The following HERPUD2 variants were observed in gnomAD, a reference collection of about 807,000 sequenced individuals.
HERPUD2 encodes the protein homocysteine-responsive endoplasmic reticulum-resident ubiquitin-like domain member 2 protein.
HERPUD2 carries 13 observed loss-of-function variants against 49.9 expected under a neutral mutation model. The ratio of observed to expected loss-of-function variants is 0.26; its 90% CI spans 0.17 to 0.41. The LOEUF (loss-of-function observed/expected upper bound fraction) is 0.41. HERPUD2 is among the 10% of genes least tolerant of loss of function. The probability of loss-of-function intolerance (pLI) is 1.00; values close to 1 mark genes in which losing one functional copy is unlikely to be tolerated. For synonymous variants in HERPUD2, 172 were observed against 171.4 expected, an observed-to-expected ratio of 1.00 and a Z score of -0.03; for missense variants, 449 against 492.2, an observed-to-expected ratio of 0.91 and a Z score of 0.83.
intron 5 of HERPUD2, among the ~76,000 whole-genome samples, chr7:35,658,744 T>TA (rs766269825): frequency 6.6e-6 from 1 of 152,192 alleles, no homozygotes. Context: ...CAGTAATTGT[T>TA]AGAGTAAATA....
intron 5 of HERPUD2, among the ~76,000 whole-genome samples, chr7:35,645,454 T>C (rs913402712): frequency 5.9e-5 from 9 of 152,044 alleles, no homozygotes; most frequent in Non-Finnish European, 1.2e-4. Flanking sequence ...ATATATTATA[T>C]AAACAAAGAA....
chr7:35,664,282 T>C (rs1272229373), intron 5 of HERPUD2, among the ~76,000 whole-genome samples: 2 of 152,216 alleles, frequency 1.3e-5, no homozygotes, highest in Non-Finnish European at 2.9e-5. Flanking sequence ...TGGGTTTCCC[T>C]TTGTGGGTAA....
chr7:35,667,126 C>T (rs1476797957), intron 5 of HERPUD2, among the ~76,000 whole-genome samples: 1 of 152,102 alleles, frequency 6.6e-6, no homozygotes, highest in African/African-American at 2.4e-5. Context: ...CATCTGGGAG[C>T]TTGTCAGAAA....
chr7:35,673,759 T>C (rs1376512059), intron 2 of HERPUD2, among the ~76,000 whole-genome samples: 4 of 152,200 alleles, frequency 2.6e-5, no homozygotes, highest in Non-Finnish European at 5.9e-5. Context: ...TTACTAATAT[T>C]GTGCAGAACA....
chr7:35,686,227 C>T (rs1786039330), intron 2 of HERPUD2, among the ~76,000 whole-genome samples: 3 of 150,348 alleles, frequency 2.0e-5, no homozygotes, highest in South Asian at 4.2e-4. Context: ...CTTACTCTGT[C>T]GCCCAGGCTG....
chr7:35,693,689 G>C (rs1036841982), intron 2 of HERPUD2, among the ~76,000 whole-genome samples: 21 of 152,200 alleles, frequency 1.4e-4, no homozygotes, highest in Middle Eastern at 3.4e-3. Context: ...TCAGGCTGGA[G>C]GGCAGTGGTG....
intron 4 of HERPUD2, among the ~76,000 whole-genome samples, chr7:35,669,530 A>G (rs1785603119): frequency 6.6e-6 from 1 of 152,176 alleles, no homozygotes; most frequent in African/African-American, 2.4e-5. Context: ...GTGTCATAGA[A>G]AGCTTTTATG....
chr7:35,684,157 C>A (rs181834290), intron 2 of HERPUD2, among the ~76,000 whole-genome samples: 2 of 151,374 alleles, frequency 1.3e-5, no homozygotes. Flanking sequence ...GAGGCCGAGG[C>A]GGGTGGATCA....
chr7:35,634,301 C>T lies in HERPUD2; in HGVS notation c.1059+11G>A. The T allele has an allele frequency of 6.5e-7, 1 of 1,543,956 alleles. No individual in the cohort carries two copies. The highest frequency in any genetic ancestry group is 9.0e-7 in the Non-Finnish European group (1 of 1,116,182). ...CAGTATCTTAAGTATACAAAAGCTT[C>T]AATCACATACCATTTCTTCAAGTTC... On this transcript the variant is annotated intron_variant, in intron 8 of 8. Coordinates refer to ENST00000311350, the MANE Select transcript of HERPUD2 (RefSeq NM_022373.5).
chr7:35,638,019 C>A (rs1261234847), intron 6 of HERPUD2, among the ~76,000 whole-genome samples: 1 of 152,226 alleles, frequency 6.6e-6, no homozygotes, highest in Non-Finnish European at 1.5e-5. Flanking sequence ...AAGCTATGGC[C>A]TCCCTGACAT....
intron 5 of HERPUD2, among the ~76,000 whole-genome samples, chr7:35,645,918 C>T (rs1032933701): frequency 2.0e-5 from 3 of 152,074 alleles, no homozygotes; most frequent in African/African-American, 7.2e-5. Flanking sequence ...ACTTTTGTTT[C>T]GTTTTGTTTT....
In HERPUD2 at chr7:35,670,198, C is replaced by A; in HGVS notation, c.339+17G>T. On this transcript the variant is annotated intron_variant, in intron 4 of 8. Transcript: ENST00000311350. ...AAAAAGAAAAGTTCAATGTTTACTC[C>A]TCCCAAAACAACTCACAGAATTGCT... 1 of 1,311,462 alleles carries A rather than the reference C, an allele frequency of 7.6e-7. No individual in the cohort carries two copies. The highest frequency in any genetic ancestry group is 1.1e-6 in the Non-Finnish European group (1 of 946,092). 81.2% of individuals were successfully genotyped at this position (1,311,462 alleles called of 1,614,324 possible). A position where few individuals can be genotyped will look rare whatever the true frequency, so the allele number is the denominator to read the frequency against.
chr7:35,663,186 G>A (rs371541520), intron 5 of HERPUD2, among the ~76,000 whole-genome samples: 1 of 152,322 alleles, frequency 6.6e-6, no homozygotes. Context: ...GGTTTTGACT[G>A]AGTTTCTTAA....
Position 35,694,241 on chromosome 7 carries a change from C to T in HERPUD2, c.90G>A (p.Leu30=). ...KYSDQTISCF[L]NWTVGKLKTH... ...TTTTTAGTTTCCCCACGGTCCAGTT[C>T]AAGAAGCAGCTAATAGTCTGGTCAC... Residue 30 remains leucine, a synonymous_variant, in exon 2 of 9, where the codon TTG becomes TTA. Coordinates refer to ENST00000311350, the MANE Select transcript of HERPUD2 (RefSeq NM_022373.5). 1.2e-6 allele frequency: 2 copies of T among 1,614,074 alleles called. No homozygotes were observed. Among genetic ancestry groups the T allele is most frequent in the Non-Finnish European group, 1.7e-6 (2 of 1,180,018 alleles).
At chr7:35,654,236 A>C (rs1157026468) in intron 5 of HERPUD2, among the ~76,000 whole-genome samples, 1 of 152,082 alleles carries the variant, frequency 6.6e-6, no homozygotes, top group Non-Finnish European at 1.5e-5. Context: ...AGACTGAAAA[A>C]ACACAATACA....
At chr7:35,654,407 A>G (rs1312258783) in intron 5 of HERPUD2, among the ~76,000 whole-genome samples, 1 of 151,906 alleles carries the variant, frequency 6.6e-6, no homozygotes, top group Admixed American at 6.5e-5. Flanking sequence ...AATCATCAAG[A>G]TATTATGAAC....
At chr7:35,644,851 C>T (rs1785026468) in intron 5 of HERPUD2, among the ~76,000 whole-genome samples, 1 of 152,082 alleles carries the variant, frequency 6.6e-6, no homozygotes, top group African/African-American at 2.4e-5. Context: ...TATAAAAAGA[C>T]ATCTGAGACA....
chr7:35,640,003 C>A lies in HERPUD2; in HGVS notation c.495-1531G>T, dbSNP rs115558912. ...AACTTCAGCTCTCTTGGACACAGGACAACAGATGACACAGCACCTCCCCAC... is the reference window on the plus strand; with the variant it reads ...AACTTCAGCTCTCTTGGACACAGGAAAACAGATGACACAGCACCTCCCCAC... On this transcript the variant is annotated intron_variant, in intron 5 of 8. Transcript: ENST00000311350. Among the ~76,000 whole-genome samples the A allele has an allele frequency of 2.6e-5, 4 of 152,214 alleles. No homozygotes were observed. The South Asian group carries it at 8.3e-4, about 32-fold the overall frequency.
intron 2 of HERPUD2, among the ~76,000 whole-genome samples, chr7:35,678,904 A>C (rs1447226019): frequency 6.6e-6 from 1 of 152,226 alleles, no homozygotes; most frequent in African/African-American, 2.4e-5. Flanking sequence ...GATAGGGAAA[A>C]AATATGCTGG....
Sources: gnomAD v4.1 joint callset for allele counts (sites outside exome capture counted in the v4.1 genomes callset) on GRCh38, gnomAD v4.1.1 for gene constraint, MANE v1.5 for transcripts, NCBI Gene and HGNC (gene_info 2026-07-23, HGNC 2026-07-21) for gene names.